WDR72: variants seen among roughly 807,000 people sequenced by gnomAD.
WDR72 encodes the protein WD repeat domain 72, also known as WD repeat-containing protein 72.
WDR72 carries 120 observed loss-of-function variants against 124.2 expected under a neutral mutation model. The observed-to-expected ratio is 0.97, with a 90% confidence interval of 0.83 to 1.12. The LOEUF is 1.12. Among genes scored for constraint, WDR72 ranks in the 50% most tolerant of loss-of-function variants. WDR72 has a pLI of 0.00. For synonymous variants in WDR72, 452 were observed against 441.7 expected, an observed-to-expected ratio of 1.02 and a Z score of -0.29; for missense variants, 1,387 against 1,278.8, an observed-to-expected ratio of 1.08 and a Z score of -1.29.
At chr15:53,555,118 G>C (rs1439003581) in intron 18 of WDR72, among the ~76,000 whole-genome samples, 3 of 151,964 alleles carry the variant, frequency 2.0e-5, no homozygotes, top group African/African-American at 7.2e-5. Context: ...ATCTGAGATG[G>C]AGAAGCAAAG....
intron 19 of WDR72, among the ~76,000 whole-genome samples, chr15:53,522,629 C>G (rs1453473925): frequency 6.6e-6 from 1 of 152,030 alleles, no homozygotes; most frequent in African/African-American, 2.4e-5. Flanking sequence ...GTACATTTCT[C>G]TTTTATTTCT....
At chr15:53,638,499 C>T (rs939542487) in intron 14 of WDR72, among the ~76,000 whole-genome samples, 2 of 151,132 alleles carry the variant, frequency 1.3e-5, no homozygotes, top group Non-Finnish European at 2.9e-5. Context: ...GGAAAAGTGA[C>T]ATTTTGTTAT....
chr15:53,587,521 C>T (rs2140325965), intron 18 of WDR72, among the ~76,000 whole-genome samples: 1 of 152,100 alleles, frequency 6.6e-6, no homozygotes, highest in South Asian at 2.1e-4. Flanking sequence ...CTATAAGTTA[C>T]TTACCATTTA....
chr15:53,706,792 C>T (rs2017392597), intron 9 of WDR72, among the ~76,000 whole-genome samples: 1 of 151,730 alleles, frequency 6.6e-6, no homozygotes, highest in Non-Finnish European at 1.5e-5. Context: ...GAAAATGATT[C>T]CATAATTTAT....
intron 18 of WDR72, among the ~76,000 whole-genome samples, chr15:53,559,216 G>A (rs1223648346): frequency 6.6e-6 from 1 of 151,650 alleles, no homozygotes; most frequent in Non-Finnish European, 1.5e-5. Flanking sequence ...TGCCATAGTA[G>A]CCTTGGTTTC....
intron 14 of WDR72, among the ~76,000 whole-genome samples, chr15:53,662,096 G>T (rs2015628023): frequency 6.6e-6 from 1 of 152,100 alleles, no homozygotes; most frequent in African/African-American, 2.4e-5. Context: ...TTTTAGGGTG[G>T]TTATTTATTC....
At chr15:53,717,508 C>CT (rs796397615) in intron 3 of WDR72, among the ~76,000 whole-genome samples, 4 of 152,196 alleles carry the variant, frequency 2.6e-5, no homozygotes, top group African/African-American at 9.6e-5. Flanking sequence ...GATTTGCAGG[C>CT]TTTTTTGTTT....
intron 17 of WDR72, among the ~76,000 whole-genome samples, chr15:53,603,556 G>A (rs186382881): frequency 2.0e-5 from 3 of 152,092 alleles, no homozygotes; most frequent in Non-Finnish European, 4.4e-5. Context: ...TACCCTTTTC[G>A]AAGATGTCAT....
At chr15:53,581,090 T>C (rs911492015) in intron 18 of WDR72, among the ~76,000 whole-genome samples, 3 of 152,066 alleles carry the variant, frequency 2.0e-5, no homozygotes, top group African/African-American at 7.2e-5. Flanking sequence ...AACAACAGTT[T>C]TTGTGCAGAT....
At chr15:53,716,101 T>G (rs2017697989) in intron 4 of WDR72, among the ~76,000 whole-genome samples, 1 of 152,170 alleles carries the variant, frequency 6.6e-6, no homozygotes, top group Non-Finnish European at 1.5e-5. Context: ...TCAGCACCAT[T>G]GGAATCATGC....
At chr15:53,714,363 C>A in intron 6 of WDR72, 71 bp downstream of exon 6, 1 of 1,251,462 alleles carries the variant, frequency 8.0e-7, no homozygotes, top group Non-Finnish European at 1.2e-6. Flanking sequence ...ATGTAATAGC[C>A]TTAAAATTTA....
At chr15:53,629,212 G>GAA (rs1491465182) in intron 14 of WDR72, among the ~76,000 whole-genome samples, 4 of 132,824 alleles carry the variant, frequency 3.0e-5, no homozygotes, top group African/African-American at 1.7e-4. Context: ...GAGAGAGAGA[G>GAA]TGAGAGAGAG....
intron 15 of WDR72, 75 bp downstream of exon 15, chr15:53,615,351 C>T: frequency 1.6e-6 from 2 of 1,226,544 alleles, no homozygotes; most frequent in Admixed American, 4.1e-5. Flanking sequence ...TGTTAAAGAG[C>T]TAAATATAGC....
intron 14 of WDR72, among the ~76,000 whole-genome samples, chr15:53,650,055 AT>A (rs2015177136): frequency 6.6e-6 from 1 of 152,210 alleles, no homozygotes; most frequent in South Asian, 2.1e-4. Flanking sequence ...TCATTAGCAG[AT>A]GAATGGATAG....
chr15:53,739,287 T>C (rs2018442745), intron 1 of WDR72, among the ~76,000 whole-genome samples: 1 of 152,064 alleles, frequency 6.6e-6, no homozygotes, highest in African/African-American at 2.4e-5. Flanking sequence ...AAACCTGCCA[T>C]TAAAGCCGCA....
intron 18 of WDR72, among the ~76,000 whole-genome samples, chr15:53,523,772 G>C (rs1055210676): frequency 8.6e-5 from 13 of 151,854 alleles, no homozygotes; most frequent in Non-Finnish European, 1.5e-4. Context: ...TGTGCATTTT[G>C]GCTCTCTTTC....
intron 13 of WDR72, among the ~76,000 whole-genome samples, chr15:53,692,959 C>G (rs2016888700): frequency 6.6e-6 from 1 of 152,148 alleles, no homozygotes; most frequent in African/African-American, 2.4e-5. Flanking sequence ...CATCTGTAAT[C>G]TACCACAACA....
At chr15:53,616,638 G>A (rs1178492499) in intron 14 of WDR72, among the ~76,000 whole-genome samples, 1 of 151,834 alleles carries the variant, frequency 6.6e-6, no homozygotes, top group African/African-American at 2.4e-5. Flanking sequence ...AATTTATTAA[G>A]TATTTTAACA....
chr15:53,642,258 C>T (rs1392296295), intron 14 of WDR72, among the ~76,000 whole-genome samples: 1 of 151,876 alleles, frequency 6.6e-6, no homozygotes, highest in Non-Finnish European at 1.5e-5. Flanking sequence ...CAAATTGCTT[C>T]CCCATCAAAG....
Sources: gnomAD v4.1 joint callset for allele counts (sites outside exome capture counted in the v4.1 genomes callset) on GRCh38, gnomAD v4.1.1 for gene constraint, MANE v1.5 for transcripts, NCBI Gene and HGNC (gene_info 2026-07-23, HGNC 2026-07-21) for gene names.